The following SATL1 variants were observed in gnomAD, a reference collection of about 807,000 sequenced individuals.
SATL1 encodes spermidine/spermine N1-acetyl transferase like 1.
Under a neutral mutation model 51.8 loss-of-function variants are expected in SATL1, and 47 were observed. The ratio of observed to expected loss-of-function variants is 0.91; its 90% confidence interval spans 0.72 to 1.16. The LOEUF is 1.16. SATL1 is among the 50% of genes most tolerant of loss of function. The probability of loss-of-function intolerance (pLI) is 0.00; values close to 1 mark genes in which losing one functional copy is unlikely to be tolerated. For missense variants in SATL1, 520 were observed against 526.4 expected, an observed-to-expected ratio of 0.99 and a Z score of 0.12; for synonymous variants, 176 against 182.4, an observed-to-expected ratio of 0.97 and a Z score of 0.28.
At chrX:85,148,254 C>T (rs1221780783) in intron 2 of SATL1, among the ~76,000 whole-genome samples, 2 of 110,702 alleles carry the variant, frequency 1.8e-5, no homozygotes, top group African/African-American at 3.3e-5. Context: ...TGAAAGGAAG[C>T]CAGAAGGGAA....
At chrX:85,233,337 C>G (rs982817911) in intron 1 of SATL1, among the ~76,000 whole-genome samples, 3 of 112,105 alleles carry the variant, frequency 2.7e-5, no homozygotes, top group African/African-American at 6.5e-5. Flanking sequence ...CAAGCCCAGA[C>G]TCTGAAGATT....
chrX:85,158,156 T>TA (rs397966507), intron 2 of SATL1, among the ~76,000 whole-genome samples: 2 of 111,188 alleles, frequency 1.8e-5, no homozygotes, highest in South Asian at 3.7e-4. Context: ...TTTTTTTTTT[T>TA]ATTCAGCTAG....
chrX:85,135,432 T>C (rs1230392801), intron 2 of SATL1, among the ~76,000 whole-genome samples: 1 of 111,492 alleles, frequency 9.0e-6, no homozygotes, highest in Non-Finnish European at 1.9e-5. Flanking sequence ...TACAATTTTG[T>C]TGGGAAAATT....
At chrX:85,188,868 C>G (rs1357198363) in intron 2 of SATL1, among the ~76,000 whole-genome samples, 1 of 111,698 alleles carries the variant, frequency 9.0e-6, no homozygotes, top group Non-Finnish European at 1.9e-5. Context: ...ATCTAGTAAA[C>G]AGTGCTTCTT....
intron 2 of SATL1, among the ~76,000 whole-genome samples, chrX:85,129,377 G>C (rs1052159390): frequency 1.8e-5 from 2 of 111,179 alleles, no homozygotes; most frequent in African/African-American, 3.3e-5. Context: ...TTGTAAGTTG[G>C]ATTCCTAGGT....
chrX:85,126,109 A>T (rs1012634004), intron 2 of SATL1, among the ~76,000 whole-genome samples: 1 of 110,720 alleles, frequency 9.0e-6, no homozygotes, highest in Admixed American at 9.7e-5. Context: ...TGCAAACCAC[A>T]ATACATTTCA....
rs1221155513 is a variant in SATL1 at position 85,126,842 on chromosome X, C to T, written c.-312-17562G>A. Among the ~76,000 whole-genome samples the T allele has an allele frequency of 2.8e-5, 3 of 108,116 alleles. 1 individual carries two copies. Among genetic ancestry groups the T allele is most frequent in the South Asian group, 8.2e-4 (2 of 2,436 alleles). The allele number at this position is 108,116 out of a possible 115,157, so 93.9% of individuals were successfully genotyped here. A position where few individuals can be genotyped will look rare whatever the true frequency, so the allele number is the denominator to read the frequency against. On this transcript the variant is annotated intron_variant, in intron 2 of 7. Coordinates refer to ENST00000644105, the MANE Select transcript of SATL1 (RefSeq NM_001367857.2). ...ATTCCTTTCATCACAAGTTTTACCC[C>T]CCCCACCACACCCCTCCCACCCCAT...
rs1196903942 is a variant in SATL1, at chrX:85,107,842, A to G, written c.1127T>C (p.Ile376Thr). ...TSQAGTNQSG[I>T]SQPVMWQLDM... ...TAGTTGCCACATCACTGGTTGGCTT[A>G]TACCTGATTGGTTTGTGCCTGCTTG... Residue 376 changes from isoleucine (I) to threonine (T), a missense_variant, in exon 3 of 8, where the codon ATA (isoleucine) becomes ACA (threonine). Transcript: ENST00000644105. 2.5e-6 allele frequency: 3 copies of G among 1,210,883 alleles called. No individual in the cohort carries two copies. Among genetic ancestry groups the G allele is most frequent in the Non-Finnish European group, 3.4e-6 (3 of 895,393 alleles).
At chrX:85,230,580 C>A (rs1434670899) in intron 1 of SATL1, among the ~76,000 whole-genome samples, 1 of 111,895 alleles carries the variant, frequency 8.9e-6, no homozygotes, top group Non-Finnish European at 1.9e-5. Context: ...CTACATCAAA[C>A]TAAAAAGCTT....
chrX:85,211,782 CAGAT>C (rs746409957), intron 2 of SATL1: 2 of 111,298 alleles, frequency 1.8e-5, no homozygotes, highest in African/African-American at 6.5e-5. Context: ...AAACAATAGA[CAGAT>C]AGATAGAAAT....
intron 2 of SATL1, among the ~76,000 whole-genome samples, chrX:85,141,460 C>T (rs1356857621): frequency 4.5e-5 from 5 of 111,730 alleles, no homozygotes; most frequent in African/African-American, 1.6e-4. Context: ...GAAATGTTGC[C>T]TTCCTATGAC....
At chrX:85,111,074 A>G (rs893666626) in intron 2 of SATL1, among the ~76,000 whole-genome samples, 2 of 113,190 alleles carry the variant, frequency 1.8e-5, no homozygotes, top group Non-Finnish European at 3.7e-5. Flanking sequence ...CAAAGAGATG[A>G]GATAATTTTG....
rs193166501 is a variant in SATL1, at chrX:85,175,321, A to G, written c.-313+48884T>C. On this transcript the variant is annotated intron_variant, in intron 2 of 7. Transcript: ENST00000644105. ...AAATAAATCAAATATTTACCTATAAAGAATTGAAACCATATAACTACTAGA... is the reference window on the plus strand; with the variant it reads ...AAATAAATCAAATATTTACCTATAAGGAATTGAAACCATATAACTACTAGA... Among the ~76,000 whole-genome samples, 11 of 111,941 alleles carry G rather than the reference A, an allele frequency of 9.8e-5. No individual in the cohort carries two copies. In the East Asian group the frequency reaches 3.1e-3, roughly 32 times the overall value.
rs151106124 is a variant in SATL1, at chrX:85,223,947, G to A, written c.-313+258C>T. 4.8e-3 allele frequency among the ~76,000 whole-genome samples: 536 copies of A among 111,717 alleles called. 3 individuals carry two copies. Among genetic ancestry groups the A allele is most frequent in the East Asian group, 8.8e-3 (31 of 3,539 alleles). ...AGAGCAATTATTTTTGTCAGGAGTT[G>A]AGGAGGAGATCAAAAGGAACACTCC... On this transcript the variant is annotated intron_variant, in intron 2 of 7. Coordinates refer to ENST00000644105, the MANE Select transcript of SATL1 (RefSeq NM_001367857.2).
intron 2 of SATL1, among the ~76,000 whole-genome samples, chrX:85,151,683 C>A (rs1312275264): frequency 3.6e-5 from 4 of 111,440 alleles, no homozygotes; most frequent in African/African-American, 1.3e-4. Context: ...ACCATCTGAT[C>A]TTTGACAAAC....
intron 2 of SATL1, among the ~76,000 whole-genome samples, chrX:85,158,819 T>A (rs774013785): frequency 2.7e-5 from 3 of 111,838 alleles, no homozygotes; most frequent in African/African-American, 9.7e-5. Flanking sequence ...GTGGCAGTGA[T>A]AATCACAAAC....
chrX:85,217,055 T>C lies in SATL1; in HGVS notation c.-313+7150A>G, dbSNP rs372748299. Reference sequence around the variant, plus strand: ...ATTCGTTAAACCTACTGGTGCCTAGTATGTGCCAAGACCTGTGGTATTTAA... The same window carrying C: ...ATTCGTTAAACCTACTGGTGCCTAGCATGTGCCAAGACCTGTGGTATTTAA... On this transcript the variant is annotated intron_variant, in intron 2 of 7. Transcript: ENST00000644105. 1.2e-4 allele frequency among the ~76,000 whole-genome samples: 14 copies of C among 112,212 alleles called. No individual in the cohort carries two copies. In the East Asian group the frequency reaches 3.1e-3, roughly 25 times the overall value.
At chrX:85,201,513 T>C (rs1298710601) in intron 2 of SATL1, among the ~76,000 whole-genome samples, 1 of 111,268 alleles carries the variant, frequency 9.0e-6, no homozygotes, top group Non-Finnish European at 1.9e-5. Context: ...GTTGGTTACA[T>C]AGATAAATAT....
chrX:85,148,878 C>T (rs1429260682), intron 2 of SATL1, among the ~76,000 whole-genome samples: 1 of 111,026 alleles, frequency 9.0e-6, no homozygotes, highest in Non-Finnish European at 1.9e-5. Flanking sequence ...ATTGTAAAGG[C>T]CATCGAGACT....
Sources: gnomAD v4.1 joint callset for allele counts (sites outside exome capture counted in the v4.1 genomes callset) on GRCh38, gnomAD v4.1.1 for gene constraint, MANE v1.5 for transcripts, NCBI Gene and HGNC (gene_info 2026-07-23, HGNC 2026-07-21) for gene names.